The following ZFP30 variants were observed in gnomAD, a reference collection of about 807,000 sequenced individuals.
ZFP30 encodes the protein zinc finger protein 30 homolog.
Under a neutral mutation model 12.3 loss-of-function variants are expected in ZFP30, and 16 were observed. The observed-to-expected ratio is 1.30, with a 90% CI of 0.88 to 1.98. ZFP30 has a LOEUF of 1.98. Among genes scored for constraint, ZFP30 ranks in the 30% most tolerant of loss-of-function variants. The probability of loss-of-function intolerance (pLI) is 0.00; values close to 1 mark genes in which losing one functional copy is unlikely to be tolerated. For missense variants in ZFP30, 560 were observed against 611.2 expected, an observed-to-expected ratio of 0.92 and a Z score of 0.88; for synonymous variants, 172 against 201.0, an observed-to-expected ratio of 0.86 and a Z score of 1.22.
At chr19:37,642,228 A>G (rs2044449927) in intron 5 of ZFP30, among the ~76,000 whole-genome samples, 1 of 152,198 alleles carries the variant, frequency 6.6e-6, no homozygotes. Flanking sequence ...CTATTCATAT[A>G]ATTCTTATAA....
At chr19:37,642,779 G>A (rs1254352247) in intron 5 of ZFP30, among the ~76,000 whole-genome samples, 3 of 152,138 alleles carry the variant, frequency 2.0e-5, no homozygotes, top group Non-Finnish European at 1.5e-5. Context: ...ACTGAGGCCA[G>A]GCGCGGTGGC....
intron 2 of ZFP30, among the ~76,000 whole-genome samples, chr19:37,653,509 G>A (rs2044693961): frequency 6.6e-6 from 1 of 151,988 alleles, no homozygotes; most frequent in Non-Finnish European, 1.5e-5. Context: ...ACAATTTCTT[G>A]ATGATTCTTA....
intron 5 of ZFP30, among the ~76,000 whole-genome samples, chr19:37,636,509 T>C (rs1259279965): frequency 6.6e-6 from 1 of 152,106 alleles, no homozygotes; most frequent in African/African-American, 2.4e-5. Flanking sequence ...ACCAGGTTAT[T>C]TGGGTGCAGA....
chr19:37,644,161 G>A (rs1040758372), intron 4 of ZFP30, among the ~76,000 whole-genome samples: 1 of 152,066 alleles, frequency 6.6e-6, no homozygotes, highest in African/African-American at 2.4e-5. Context: ...AAAATATAAC[G>A]GTCACTGAAT....
At chr19:37,652,264 T>C (rs2147293753) in intron 2 of ZFP30, among the ~76,000 whole-genome samples, 1 of 152,174 alleles carries the variant, frequency 6.6e-6, no homozygotes, top group African/African-American at 2.4e-5. Flanking sequence ...TATTAGCCTG[T>C]TCTTCAGAGA....
intron 2 of ZFP30, among the ~76,000 whole-genome samples, chr19:37,653,851 C>T (rs751692162): frequency 2.0e-5 from 3 of 152,196 alleles, no homozygotes; most frequent in Non-Finnish European, 4.4e-5. Flanking sequence ...CCTGAAAGCT[C>T]ATAAACAGAG....
chr19:37,649,680 G>A (rs189576476), intron 2 of ZFP30, among the ~76,000 whole-genome samples: 8 of 151,736 alleles, frequency 5.3e-5, no homozygotes, highest in Admixed American at 2.6e-4. Flanking sequence ...AAAAATTAAC[G>A]GGGCATGGTG....
rs761066275 is a variant in ZFP30, at chr19:37,634,953, A to C, written c.*28T>G. ...ATGTACTTCCTATGCTCAACATAAAATTCGCAAAGGAAGAGTTCTAATAAT... is the reference window on the plus strand; with the variant it reads ...ATGTACTTCCTATGCTCAACATAAACTTCGCAAAGGAAGAGTTCTAATAAT... On this transcript the variant is annotated 3_prime_UTR_variant, in exon 6 of 6. Transcript: ENST00000684514. 5 of 1,507,892 alleles carry C rather than the reference A, an allele frequency of 3.3e-6. No homozygotes were observed. The African/African-American group carries it at 4.2e-5, about 13-fold the overall frequency. The allele number at this position is 1,507,892 out of a possible 1,614,324, so 93.4% of individuals were successfully genotyped here.
In ZFP30 at chr19:37,635,116, A is replaced by G; in HGVS notation, c.1425T>C (p.Phe475=). The change falls in exon 6 of 6, where the codon TTT becomes TTC. Residue 475 remains phenylalanine (F), a synonymous_variant. Transcript: ENST00000684514. The part of the protein sequence containing the change: ...PYDCKECGKA[F]RLHSSLIQHQ... ...GTTGAATCAGTGATGAATGAAGTCTAAAGGCCTTTCCACATTCCTTACAGT... is the reference window on the plus strand; with the variant it reads ...GTTGAATCAGTGATGAATGAAGTCTGAAGGCCTTTCCACATTCCTTACAGT... 1 of 1,613,694 alleles carries G rather than the reference A, an allele frequency of 6.2e-7. No homozygotes were observed. Among genetic ancestry groups the G allele is most frequent in the Non-Finnish European group, 8.5e-7 (1 of 1,179,822 alleles).
chr19:37,642,997 G>C (rs758595364), intron 5 of ZFP30, among the ~76,000 whole-genome samples: 1 of 146,232 alleles, frequency 6.8e-6, no homozygotes, highest in Non-Finnish European at 1.5e-5. Flanking sequence ...AGCTTGCAGT[G>C]AGCAGAGATC....
chr19:37,635,566 G>A lies in ZFP30; in HGVS notation c.975C>T (p.Pro325=), dbSNP rs190108387. The A allele has an allele frequency of 1.1e-4, 180 of 1,614,094 alleles. No individual in the cohort carries two copies. The Admixed American group carries it at 1.4e-3, about 12-fold the overall frequency. ...LHHKLHTGEK[P]YECKECGKAF... is the part of the protein sequence containing the mutation. Reference sequence around the variant, plus strand: ...CCTTTCCACACTCCTTACATTCATAGGGTTTTTCTCCAGTATGAAGTTTGT... The same window carrying A: ...CCTTTCCACACTCCTTACATTCATAAGGTTTTTCTCCAGTATGAAGTTTGT... The change falls in exon 6 of 6, where the codon CCC becomes CCT. Residue 325 remains proline (P), a synonymous_variant. Transcript: ENST00000684514.
intron 5 of ZFP30, 131 bp downstream of exon 5, chr19:37,643,134 G>T: frequency 3.3e-6 from 2 of 609,952 alleles, no homozygotes; most frequent in Non-Finnish European, 5.7e-6. Flanking sequence ...GGCTCATGCT[G>T]AGAAGATCTA....
rs73621506 is a variant in ZFP30 at position 37,632,776 on chromosome 19, G to C, written c.*2205C>G. ...AGTGCTCAATAACTCAATTTCAAGT[G>C]CTCAACAGGTTGCTAGTGACTACCA... On this transcript the variant is annotated 3_prime_UTR_variant, in exon 6 of 6. Transcript: ENST00000684514. 1 of 152,194 alleles carries C rather than the reference G, an allele frequency of 6.6e-6. No individual in the cohort carries two copies. The highest frequency in any genetic ancestry group is 2.1e-4 in the South Asian group (1 of 4,828). 9.4% of individuals were successfully genotyped at this position (152,194 alleles called of 1,614,324 possible). A position where few individuals can be genotyped will look rare whatever the true frequency, so the allele number is the denominator to read the frequency against.
rs886338572 is a variant in ZFP30, at chr19:37,634,363, G to C, written c.*618C>G. 16 of 152,282 alleles carry C rather than the reference G, an allele frequency of 1.1e-4. No individual in the cohort carries two copies. Among genetic ancestry groups the C allele is most frequent in the African/African-American group, 3.9e-4 (16 of 41,550 alleles). 9.4% of individuals were successfully genotyped at this position (152,282 alleles called of 1,614,324 possible). On this transcript the variant is annotated 3_prime_UTR_variant, in exon 6 of 6. Transcript: ENST00000684514. ...TTTTTACTCTCTTGCTTTTTGTGAA[G>C]TTGAGATGATGAGTGGGTTCAGACG...
At chr19:37,645,638 G>C (rs2044528495) in intron 3 of ZFP30, among the ~76,000 whole-genome samples, 1 of 150,308 alleles carries the variant, frequency 6.7e-6, no homozygotes, top group Non-Finnish European at 1.5e-5. Flanking sequence ...AGACATATTC[G>C]GGTAATTATC....
At chr19:37,653,704 T>A (rs1568389693) in intron 2 of ZFP30, among the ~76,000 whole-genome samples, 1 of 152,198 alleles carries the variant, frequency 6.6e-6, no homozygotes, top group Non-Finnish European at 1.5e-5. Flanking sequence ...TTCTAGACAG[T>A]GAGAATCAAT....
chr19:37,648,153 G>C (rs1568386412), intron 2 of ZFP30, among the ~76,000 whole-genome samples: 1 of 152,180 alleles, frequency 6.6e-6, no homozygotes, highest in African/African-American at 2.4e-5. Context: ...CAGCAGGAGG[G>C]CTGCCAGTTG....
At chr19:37,646,763 C>T (rs1326645519) in intron 3 of ZFP30, among the ~76,000 whole-genome samples, 1 of 150,318 alleles carries the variant, frequency 6.7e-6, no homozygotes, top group African/African-American at 2.5e-5. Context: ...TTTTGTTTTG[C>T]TTTGTTTTGT....
intron 2 of ZFP30, among the ~76,000 whole-genome samples, chr19:37,649,984 G>A (rs1375874856): frequency 5.9e-5 from 9 of 151,988 alleles, no homozygotes; most frequent in Non-Finnish European, 1.0e-4. Context: ...ATTTCGGCAG[G>A]TAAACTACAT....
Sources: gnomAD v4.1 joint callset for allele counts (sites outside exome capture counted in the v4.1 genomes callset) on GRCh38, gnomAD v4.1.1 for gene constraint, MANE v1.5 for transcripts, NCBI Gene and HGNC (gene_info 2026-07-23, HGNC 2026-07-21) for gene names.